ABHD15: variants seen among roughly 807,000 people sequenced by gnomAD.
ABHD15 encodes the protein abhydrolase domain containing 15.
Under a neutral mutation model 34.4 loss-of-function variants are expected in ABHD15, and 34 were observed. The ratio of observed to expected loss-of-function variants is 0.99; its 90% CI spans 0.75 to 1.32. The LOEUF (loss-of-function observed/expected upper bound fraction) is 1.32, where lower values mean the gene tolerates loss of function less well. ABHD15 is among the 40% of genes most tolerant of loss of function. ABHD15 has a pLI of 0.00. For synonymous variants in ABHD15, 314 were observed against 299.2 expected (o/e 1.05, Z -0.51); for missense variants, 644 against 650.4 (o/e 0.99, Z 0.11).
rs112075008 is a variant in ABHD15, at chr17:29,562,313, C to T, written c.*248G>A. 334 of 404,592 alleles carry T rather than the reference C, an allele frequency of 8.3e-4. No homozygotes were observed. The highest frequency in any genetic ancestry group is 2.7e-3 in the African/African-American group (134 of 50,092). The allele number at this position is 404,592 out of a possible 1,614,324, so 25.1% of individuals were successfully genotyped here. The stretch of plus-strand genomic sequence containing the variant: ...GTGACAGGTGACAGTGACTGGAACG[C>T]GCCGCTGCTGACCGGATGAGTAGGG... On this transcript the variant is annotated 3_prime_UTR_variant, in exon 2 of 2. Coordinates refer to ENST00000307201, the MANE Select transcript of ABHD15 (RefSeq NM_198147.3).
rs2032733171 is a variant in ABHD15 at position 29,566,986 on chromosome 17, G to GGCGGGCA, written c.-27_-21dup. 2 of 1,294,942 alleles carry GGCGGGCA rather than the reference G, an allele frequency of 1.5e-6. No homozygotes were observed. The highest frequency in any genetic ancestry group is 1.9e-6 in the Non-Finnish European group (2 of 1,027,270). The allele number at this position is 1,294,942 out of a possible 1,614,324, so 80.2% of individuals were successfully genotyped here. A position where few individuals can be genotyped will look rare whatever the true frequency, so the allele number is the denominator to read the frequency against. On this transcript the variant is annotated 5_prime_UTR_variant, in exon 1 of 2. Transcript: ENST00000307201. ...CGGCATGGCGAAGCTGGAGAGCCCC[G>GGCGGGCA]GCGGGCAGCGGGCGGCGGGGCCGTC...
intron 1 of ABHD15, among the ~76,000 whole-genome samples, chr17:29,563,855 T>G (rs1230699748): frequency 6.6e-6 from 1 of 151,984 alleles, no homozygotes; most frequent in Non-Finnish European, 1.5e-5. Flanking sequence ...CGAGACTCCA[T>G]CTCAAAAAAT....
chr17:29,563,588 G>A (rs533801923), intron 1 of ABHD15, among the ~76,000 whole-genome samples: 10 of 151,930 alleles, frequency 6.6e-5, no homozygotes, highest in South Asian at 2.1e-4. Context: ...GTGGCCAGGC[G>A]CGGTGGCTCA....
chr17:29,566,724 C>T lies in ABHD15; in HGVS notation c.243G>A (p.Gln81=). ...AGCGCCGCAGGGCGCGCAGCAGGCA[C>T]TGGGCCAGGGCCGACGGCTTGCAAA... is the stretch of plus-strand genomic sequence containing the variant. ...SLVCKPSALA[Q]CLLRALRRSE... is the part of the protein sequence containing the mutation. The change falls in exon 1 of 2, where the codon CAG becomes CAA. Residue 81 remains glutamine, a synonymous_variant. Transcript: ENST00000307201. 1 of 1,573,480 alleles carries T rather than the reference C, an allele frequency of 6.4e-7. No homozygotes were observed. Among genetic ancestry groups the T allele is most frequent in the East Asian group, 2.3e-5 (1 of 43,650 alleles).
Position 29,566,890 on chromosome 17 carries a change from C to T in ABHD15, c.77G>A (p.Arg26Gln), listed in dbSNP as rs1371885510. Residue 26 changes from arginine (R) to glutamine (Q), a missense_variant, in exon 1 of 2, where the codon CGG becomes CAG. Physicochemically the swap from Arg to Gln is conservative, Grantham distance 43 (BLOSUM62 1). Coordinates refer to ENST00000307201, the MANE Select transcript of ABHD15 (RefSeq NM_198147.3). ...ALLGLLGPRL[R>Q]GPWGRAVGER... is the part of the protein sequence containing the mutation. ...TCCGACGGCGCGCCCCCAGGGTCCC[C>T]GGAGCCGCGGGCCGAGCAGGCCGAG... 3 of 1,494,000 alleles carry T rather than the reference C, an allele frequency of 2.0e-6. No homozygotes were observed. The highest frequency in any genetic ancestry group is 4.4e-5 in the Admixed American group (2 of 45,526). 92.5% of individuals were successfully genotyped at this position (1,494,000 alleles called of 1,614,324 possible). A position where few individuals can be genotyped will look rare whatever the true frequency, so the allele number is the denominator to read the frequency against.
Position 29,562,619 on chromosome 17 carries a change from A to G in ABHD15, c.1349T>C (p.Val450Ala). The G allele has an allele frequency of 6.2e-7, 1 of 1,613,810 alleles. No homozygotes were observed. The highest frequency in any genetic ancestry group is 8.5e-7 in the Non-Finnish European group (1 of 1,179,958). The change falls in exon 2 of 2, where the codon GTC (valine) becomes GCC (alanine). Residue 450 changes from valine to alanine, a missense_variant. By Grantham distance (64) the Val-to-Ala change is moderately conservative. Coordinates refer to ENST00000307201, the MANE Select transcript of ABHD15 (RefSeq NM_198147.3). ...RRGGALQRREVSSSSNLEEIF... is the reference protein window; with the variant it reads ...RRGGALQRREASSSSNLEEIF... Reference sequence around the variant, plus strand: ...CTCCTCCAGGTTGGAAGAGGAAGAGACTTCCCGCCTCTGCAAGGCTCCCCC... The same window carrying G: ...CTCCTCCAGGTTGGAAGAGGAAGAGGCTTCCCGCCTCTGCAAGGCTCCCCC...
chr17:29,562,502 T>C lies in ABHD15; in HGVS notation c.*59A>G. 6.6e-7 allele frequency: 1 copy of C among 1,521,138 alleles called. No individual in the cohort carries two copies. Among genetic ancestry groups the C allele is most frequent in the Non-Finnish European group, 8.8e-7 (1 of 1,131,950 alleles). The allele number at this position is 1,521,138 out of a possible 1,614,324, so 94.2% of individuals were successfully genotyped here. ...TCAGTCCGCCCCATCTTTCCAGGAC[T>C]CCCCCTTGCCCAGCTCTGTTTTTCT... On this transcript the variant is annotated 3_prime_UTR_variant, in exon 2 of 2. Coordinates refer to ENST00000307201, the MANE Select transcript of ABHD15 (RefSeq NM_198147.3).
chr17:29,563,575 A>G lies in ABHD15; in HGVS notation c.882-489T>C, dbSNP rs764542655. Among the ~76,000 whole-genome samples, 4 of 151,886 alleles carry G rather than the reference A, an allele frequency of 2.6e-5. No homozygotes were observed. In the East Asian group the frequency reaches 5.8e-4, roughly 22 times the overall value. On this transcript the variant is annotated intron_variant, in intron 1 of 1. Coordinates refer to ENST00000307201, the MANE Select transcript of ABHD15 (RefSeq NM_198147.3). ...TAAAATAAAATAATATAAAATAATA[A>G]AAGTGGCCAGGCGCGGTGGCTCATG...
chr17:29,567,018 G>C lies in ABHD15; in HGVS notation c.-52C>G. On this transcript the variant is annotated 5_prime_UTR_variant, in exon 1 of 2. Coordinates refer to ENST00000307201, the MANE Select transcript of ABHD15 (RefSeq NM_198147.3). The surrounding 1 kb of genome is among the most constrained non-coding windows in gnomAD (Gnocchi z 6.6). ...AGCGGGCGGCGGGGCCGTCTACTCG[G>C]CGAGCTCCGCGCTTTGCCCGCGGCT... The C allele has an allele frequency of 8.0e-7, 1 of 1,245,498 alleles. No homozygotes were observed. 77.2% of individuals were successfully genotyped at this position (1,245,498 alleles called of 1,614,324 possible).
rs2032618232 is a variant in ABHD15 at position 29,560,721 on chromosome 17, C to A, written c.*1840G>T. 6.6e-6 allele frequency: 1 copy of A among 151,830 alleles called. No individual in the cohort carries two copies. The highest frequency in any genetic ancestry group is 1.5e-5 in the Non-Finnish European group (1 of 68,020). 9.4% of individuals were successfully genotyped at this position (151,830 alleles called of 1,614,324 possible). On this transcript the variant is annotated 3_prime_UTR_variant, in exon 2 of 2. Transcript: ENST00000307201. ...CCAGGCTGGAGTGCAGTGGTGCGAT[C>A]TCAGCTCACTGCAAGCTCCGCCTCC...
chr17:29,561,841 G>T lies in ABHD15; in HGVS notation c.*720C>A, dbSNP rs1035545416. 1 of 152,434 alleles carries T rather than the reference G, an allele frequency of 6.6e-6. No homozygotes were observed. The highest frequency in any genetic ancestry group is 1.5e-5 in the Non-Finnish European group (1 of 68,048). The allele number at this position is 152,434 out of a possible 1,614,324, so 9.4% of individuals were successfully genotyped here. A position where few individuals can be genotyped will look rare whatever the true frequency, so the allele number is the denominator to read the frequency against. ...AAGCCCTCAGATCCTGCATGAGAGC[G>T]CTTCCTATTTGTAAAATACCCTTGG... On this transcript the variant is annotated 3_prime_UTR_variant, in exon 2 of 2. Coordinates refer to ENST00000307201, the MANE Select transcript of ABHD15 (RefSeq NM_198147.3).
chr17:29,563,055 T>C lies in ABHD15; in HGVS notation c.913A>G (p.Thr305Ala). ...YATALEDTVD[T>A]SRLFRSRSLR... ...GAACGGCTCCTGAACAGTCTGCTGGTGTCCACAGTGTCCTCCAGGGCTGTG... is the reference window on the plus strand; with the variant it reads ...GAACGGCTCCTGAACAGTCTGCTGGCGTCCACAGTGTCCTCCAGGGCTGTG... Residue 305 changes from threonine (T) to alanine (A), a missense_variant, in exon 2 of 2, where the codon ACC becomes GCC. Thr to Ala is a moderately conservative substitution (Grantham distance 58, BLOSUM62 0). Coordinates refer to ENST00000307201, the MANE Select transcript of ABHD15 (RefSeq NM_198147.3). 6.2e-7 allele frequency: 1 copy of C among 1,608,600 alleles called. No homozygotes were observed. The highest frequency in any genetic ancestry group is 8.5e-7 in the Non-Finnish European group (1 of 1,179,780).
At chr17:29,564,642 C>A (rs771099393) in intron 1 of ABHD15, among the ~76,000 whole-genome samples, 1 of 152,146 alleles carries the variant, frequency 6.6e-6, no homozygotes, top group South Asian at 2.1e-4. Context: ...TTCCCTGAGT[C>A]TAGACATTCA....
chr17:29,564,486 T>C (rs144306744), intron 1 of ABHD15, among the ~76,000 whole-genome samples: 3 of 152,302 alleles, frequency 2.0e-5, no homozygotes, highest in Admixed American at 6.5e-5. Flanking sequence ...GGGCTTGGCA[T>C]CCTGACAAGG....
intron 1 of ABHD15, among the ~76,000 whole-genome samples, chr17:29,563,816 T>C (rs1403488193): frequency 6.6e-6 from 1 of 152,108 alleles, no homozygotes; most frequent in Non-Finnish European, 1.5e-5. Flanking sequence ...GCCGAGATCG[T>C]GCCACTGCGT....
chr17:29,563,248 C>G (rs2032656658), intron 1 of ABHD15, among the ~76,000 whole-genome samples, 162 bp from the exon 2 acceptor site: 1 of 152,160 alleles, frequency 6.6e-6, no homozygotes, highest in South Asian at 2.1e-4. Context: ...TCATGGCCAT[C>G]ATTTAAAACC....
At position 29,562,885 on chromosome 17, in the gene ABHD15, G is replaced by A. The variant is rs756988375; in HGVS notation, c.1083C>T (p.Pro361=). 14 of 1,614,018 alleles carry A rather than the reference G, an allele frequency of 8.7e-6. No individual in the cohort carries two copies. Among genetic ancestry groups the A allele is most frequent in the African/African-American group, 5.3e-5 (4 of 74,916 alleles). ...PVLCICSADD[P]VCGPPDHTLT... ...GAGTGTGGTCTGGGGGTCCACACAC[G>A]GGGTCGTCAGCACTGCAGATACACA... The change falls in exon 2 of 2, where the codon CCC becomes CCT. Residue 361 remains proline, a synonymous_variant. Coordinates refer to ENST00000307201, the MANE Select transcript of ABHD15 (RefSeq NM_198147.3).
At position 29,562,278 on chromosome 17, in the gene ABHD15, T is replaced by G. The variant is rs906564858; in HGVS notation, c.*283A>C. ...ATTGAAAAAGTGCTATCCTTTGGCT[T>G]GTGATGTCAGTGACAGGTGACAGTG... On this transcript the variant is annotated 3_prime_UTR_variant, in exon 2 of 2. Coordinates refer to ENST00000307201, the MANE Select transcript of ABHD15 (RefSeq NM_198147.3). 3 of 324,358 alleles carry G rather than the reference T, an allele frequency of 9.2e-6. No individual in the cohort carries two copies. Among genetic ancestry groups the G allele is most frequent in the Non-Finnish European group, 1.7e-5 (3 of 176,212 alleles). The allele number at this position is 324,358 out of a possible 1,614,324, so 20.1% of individuals were successfully genotyped here.
chr17:29,563,920 T>C (rs1431834347), intron 1 of ABHD15, among the ~76,000 whole-genome samples: 1 of 152,110 alleles, frequency 6.6e-6, no homozygotes, highest in Admixed American at 6.5e-5. Context: ...AAAATGCAGG[T>C]GTCTGGCTTC....
Sources: allele counts gnomAD v4.1 joint callset (sites outside exome capture counted in the v4.1 genomes callset), GRCh38; gene constraint gnomAD v4.1.1; non-coding constraint Gnocchi (gnomAD v3.1); transcripts MANE v1.5; gene names NCBI Gene and HGNC (gene_info 2026-07-23, HGNC 2026-07-21).